ITFG1: variants seen among roughly 807,000 people sequenced by gnomAD.
ITFG1 encodes integrin alpha FG-GAP repeat containing 1, also known as T-cell immunomodulatory protein.
Under a neutral mutation model 81.8 loss-of-function variants are expected in ITFG1, and 34 were observed. The observed-to-expected ratio is 0.42, with a 90% CI of 0.32 to 0.55. The LOEUF (loss-of-function observed/expected upper bound fraction) is 0.55. Among genes scored for constraint, ITFG1 ranks in the 20% least tolerant of loss-of-function variants. ITFG1 has a pLI of 0.17. For missense variants in ITFG1, 672 were observed against 755.4 expected (o/e 0.89, Z 1.29); for synonymous variants, 285 against 270.6 (o/e 1.05, Z -0.52).
chr16:47,403,304 A>G (rs1393527956), intron 6 of ITFG1, among the ~76,000 whole-genome samples: 2 of 151,842 alleles, frequency 1.3e-5, no homozygotes, highest in African/African-American at 4.8e-5. Flanking sequence ...TAAAGCCAGA[A>G]TGTGGGCTGT....
At chr16:47,314,866 C>A (rs1050803539) in intron 8 of ITFG1, among the ~76,000 whole-genome samples, 1 of 151,816 alleles carries the variant, frequency 6.6e-6, no homozygotes, top group African/African-American at 2.4e-5. Context: ...CAGAAATATG[C>A]TTCATTGTAT....
At chr16:47,297,114 G>GTA (rs992474593) in intron 10 of ITFG1, among the ~76,000 whole-genome samples, 19 of 152,042 alleles carry the variant, frequency 1.2e-4, no homozygotes, top group Non-Finnish European at 1.2e-4. Flanking sequence ...GGTGCTGGGT[G>GTA]TATATATATT....
chr16:47,237,036 T>C (rs892504916), intron 13 of ITFG1, among the ~76,000 whole-genome samples: 3 of 152,182 alleles, frequency 2.0e-5, no homozygotes, highest in Non-Finnish European at 4.4e-5. Flanking sequence ...TCGGGCCACA[T>C]TTGAAGGATC....
At chr16:47,161,894 T>C (rs1216028583) in intron 15 of ITFG1, 62 bp from the exon 16 acceptor site, 1 of 965,922 alleles carries the variant, frequency 1.0e-6, no homozygotes, top group Non-Finnish European at 1.7e-6. Flanking sequence ...ATTATTATTC[T>C]AAATAAATAA....
intron 8 of ITFG1, among the ~76,000 whole-genome samples, chr16:47,322,497 T>G (rs1887202028): frequency 6.6e-6 from 1 of 152,170 alleles, no homozygotes; most frequent in South Asian, 2.1e-4. Context: ...GAGACCAGCC[T>G]GGCCAACATG....
At chr16:47,282,265 T>G (rs957705411) in intron 10 of ITFG1, among the ~76,000 whole-genome samples, 1 of 152,044 alleles carries the variant, frequency 6.6e-6, no homozygotes, top group Non-Finnish European at 1.5e-5. Flanking sequence ...CCCCTCAGCC[T>G]TGCGAGTCTT....
In ITFG1 at chr16:47,183,985, A is replaced by G. The variant is rs1415199954; in HGVS notation, c.1454-21321T>C. ...AAACCAAGGCTCGAGAACTAGGTGA[A>G]GAATGCAGAAGCCTCAGGAGCCGAT... On this transcript the variant is annotated intron_variant, in intron 14 of 17. Coordinates refer to ENST00000320640, the MANE Select transcript of ITFG1 (RefSeq NM_030790.5). 1.1e-4 allele frequency among the ~76,000 whole-genome samples: 16 copies of G among 152,366 alleles called. No individual in the cohort carries two copies. In the South Asian group the frequency reaches 3.3e-3, roughly 32 times the overall value.
chr16:47,425,472 A>G (rs971423077), intron 6 of ITFG1, among the ~76,000 whole-genome samples: 1 of 152,044 alleles, frequency 6.6e-6, no homozygotes, highest in African/African-American at 2.4e-5. Flanking sequence ...ACCAGTCCCA[A>G]TGCAATGAAC....
intron 3 of ITFG1, 23 bp from the exon 4 acceptor site, chr16:47,452,813 T>C: frequency 2.3e-6 from 3 of 1,288,152 alleles, no homozygotes; most frequent in African/African-American, 1.5e-5. Flanking sequence ...TATATATATA[T>C]ATGAATTAGC....
At chr16:47,195,011 A>G (rs1965340219) in intron 14 of ITFG1, among the ~76,000 whole-genome samples, 1 of 152,212 alleles carries the variant, frequency 6.6e-6, no homozygotes, top group African/African-American at 2.4e-5. Flanking sequence ...AATGATTCTG[A>G]TGCTCTTGAA....
At chr16:47,356,840 T>G (rs1164815567) in intron 8 of ITFG1, among the ~76,000 whole-genome samples, 1 of 152,068 alleles carries the variant, frequency 6.6e-6, no homozygotes, top group Non-Finnish European at 1.5e-5. Context: ...GGGCAGGATA[T>G]TTTCTGCCTA....
intron 4 of ITFG1, among the ~76,000 whole-genome samples, chr16:47,452,218 C>T (rs1969398386): frequency 6.6e-6 from 1 of 152,088 alleles, no homozygotes; most frequent in African/African-American, 2.4e-5. Flanking sequence ...TTGCTCTAGT[C>T]CCGGGAATGA....
chr16:47,310,053 CAT>C (rs1348577862), intron 10 of ITFG1, among the ~76,000 whole-genome samples: 1 of 152,234 alleles, frequency 6.6e-6, no homozygotes, highest in African/African-American at 2.4e-5. Context: ...GTTTCACACA[CAT>C]AGGTTACAAG....
At position 47,171,461 on chromosome 16, in the gene ITFG1, G is replaced by A. The variant is rs116190503; in HGVS notation, c.1454-8797C>T. Among the ~76,000 whole-genome samples, 229 of 151,956 alleles carry A rather than the reference G, an allele frequency of 1.5e-3. 2 individuals are homozygous for A. The highest frequency in any genetic ancestry group is 5.3e-3 in the African/African-American group (220 of 41,428). On this transcript the variant is annotated intron_variant, in intron 14 of 17. Coordinates refer to ENST00000320640, the MANE Select transcript of ITFG1 (RefSeq NM_030790.5). Reference sequence around the variant, plus strand: ...AAACACTCAGTCTAGCTAATAGATTGTCAATTTTGTTGATCTTTTCAAAGA... The same window carrying A: ...AAACACTCAGTCTAGCTAATAGATTATCAATTTTGTTGATCTTTTCAAAGA...
At chr16:47,433,857 A>AATATATAT (rs4038737) in intron 5 of ITFG1, among the ~76,000 whole-genome samples, 5 of 38,382 alleles carry the variant, frequency 1.3e-4, no homozygotes, top group African/African-American at 2.0e-4. Context: ...ATAAAAACTG[A>AATATATAT]ATATATATAT....
chr16:47,422,409 A>G (rs1359547541), intron 6 of ITFG1, among the ~76,000 whole-genome samples: 1 of 152,086 alleles, frequency 6.6e-6, no homozygotes, highest in Non-Finnish European at 1.5e-5. Flanking sequence ...TTTATTGAGG[A>G]TTTTCACATC....
rs565348725 is a variant in ITFG1, at chr16:47,459,162, G to A, written c.222C>T (p.Ile74=). The A allele has an allele frequency of 3.8e-6, 6 of 1,595,484 alleles. No individual in the cohort carries two copies. In the Admixed American group the frequency reaches 5.0e-5, roughly 13 times the overall value. Residue 74 remains isoleucine, a synonymous_variant, in exon 2 of 18, where the codon ATC becomes ATT. Coordinates refer to ENST00000320640, the MANE Select transcript of ITFG1 (RefSeq NM_030790.5). The part of the protein sequence containing the change: ...LFVLRERNDL[I]VFLADQNAPY... ...GTGCATTCTGGTCTGCCAAAAAGAC[G>A]ATTAAGTCATTTCCTAAAGAAAACA...
chr16:47,375,912 G>A lies in ITFG1; in HGVS notation c.684C>T (p.Thr228=). The A allele has an allele frequency of 6.2e-7, 1 of 1,606,656 alleles. No individual in the cohort carries two copies. Among genetic ancestry groups the A allele is most frequent in the Non-Finnish European group, 8.5e-7 (1 of 1,174,080 alleles). ...ADLFLTTLNA[T]TSTFQFEIWE... is the part of the protein sequence containing the mutation. Reference sequence around the variant, plus strand: ...ATATTTCAAACTGGAAGGTACTAGTGGTGGCATTCAATGTCGTCAGGAATA... The same window carrying A: ...ATATTTCAAACTGGAAGGTACTAGTAGTGGCATTCAATGTCGTCAGGAATA... Residue 228 remains threonine, a synonymous_variant, in exon 7 of 18, where the codon ACC becomes ACT. Transcript: ENST00000320640.
intron 8 of ITFG1, among the ~76,000 whole-genome samples, chr16:47,339,898 A>G (rs1283770617): frequency 1.3e-5 from 2 of 152,142 alleles, no homozygotes; most frequent in African/African-American, 4.8e-5. Flanking sequence ...TCTCAAAGAG[A>G]CCCACACCAA....
Sources: gnomAD v4.1 joint callset for allele counts (sites outside exome capture counted in the v4.1 genomes callset) on GRCh38, gnomAD v4.1.1 for gene constraint, MANE v1.5 for transcripts, NCBI Gene and HGNC (gene_info 2026-07-23, HGNC 2026-07-21) for gene names.